Variants in LARP4B observed in about 807,000 individuals in gnomAD.
The protein encoded by LARP4B is la-related protein 4B.
Under a neutral mutation model 89.8 loss-of-function variants are expected in LARP4B, and 12 were observed. The observed-to-expected ratio is 0.13, with a 90% confidence interval of 0.09 to 0.22. The LOEUF (loss-of-function observed/expected upper bound fraction) is 0.22, where lower values mean the gene tolerates loss of function less well. Ranked by LOEUF, LARP4B falls within the 10% of genes least tolerant of loss-of-function variation. The pLI is 1.00. For synonymous variants in LARP4B, 367 were observed against 363.3 expected (o/e 1.01, Z -0.12); for missense variants, 757 against 947.7 (o/e 0.80, Z 2.64).
chr10:848,834 C>G (rs924737515), intron 5 of LARP4B, among the ~76,000 whole-genome samples: 1 of 152,138 alleles, frequency 6.6e-6, no homozygotes, highest in South Asian at 2.1e-4. Flanking sequence ...AATCTACACA[C>G]AGGAGTAGAG....
At chr10:889,890 C>A (rs1429627188) in intron 1 of LARP4B, among the ~76,000 whole-genome samples, 1 of 152,110 alleles carries the variant, frequency 6.6e-6, no homozygotes, top group African/African-American at 2.4e-5. Context: ...TGCAGTGAGC[C>A]GAGATCGCCC....
Position 892,176 on chromosome 10 carries a change from T to C in LARP4B, c.-39-6416A>G, listed in dbSNP as rs529676788. On this transcript the variant is annotated intron_variant, in intron 1 of 17. Transcript: ENST00000316157. ...CAGTGCCTTACACCACTCGCAGGCC[T>C]TACTGAATTGGACAGGAGGATTTTA... Among the ~76,000 whole-genome samples the C allele has an allele frequency of 5.3e-5, 8 of 152,368 alleles. No individual in the cohort carries two copies. The East Asian group carries it at 1.2e-3, about 22-fold the overall frequency.
intron 3 of LARP4B, among the ~76,000 whole-genome samples, chr10:868,918 T>C (rs2131865366): frequency 6.6e-6 from 1 of 152,382 alleles, no homozygotes; most frequent in East Asian, 1.9e-4. Flanking sequence ...AATAATGAGA[T>C]CTTGCTACTC....
intron 15 of LARP4B, 74 bp from the exon 16 acceptor site, chr10:815,144 C>T: frequency 1.3e-6 from 2 of 1,487,554 alleles, no homozygotes; most frequent in Non-Finnish European, 1.8e-6. Flanking sequence ...CCCGTTCACC[C>T]CACCCGTGAA....
At chr10:852,981 A>G (rs958556175) in intron 5 of LARP4B, among the ~76,000 whole-genome samples, 2 of 152,226 alleles carry the variant, frequency 1.3e-5, no homozygotes, top group East Asian at 3.8e-4. Context: ...CAAGTAAGAG[A>G]TACATCTTGT....
intron 5 of LARP4B, among the ~76,000 whole-genome samples, chr10:846,970 G>GCCA (rs561643279): frequency 1.1e-4 from 17 of 152,174 alleles, no homozygotes; most frequent in South Asian, 4.1e-4. Flanking sequence ...ACACAGTAGA[G>GCCA]CCAGGTAAGT....
the LARP4B span, among the ~76,000 whole-genome samples, chr10:958,948 C>T: frequency 6.6e-6 from 1 of 152,208 alleles, no homozygotes; most frequent in African/African-American, 2.4e-5. Flanking sequence ...GGACAAAGAG[C>T]CCAGGAGGAG....
intron 1 of LARP4B, among the ~76,000 whole-genome samples, chr10:930,233 G>T (rs1208922773): frequency 6.6e-6 from 1 of 152,006 alleles, no homozygotes; most frequent in Non-Finnish European, 1.5e-5. Flanking sequence ...AAAAACTTTC[G>T]AAAGGGAAAA....
the LARP4B span, chr10:971,281 G>A: frequency 3.3e-5 from 5 of 152,220 alleles, no homozygotes; most frequent in South Asian, 1.0e-3. Context: ...TGAATTATTA[G>A]CAAGTATGAC....
chr10:891,465 A>G (rs1350825593), intron 1 of LARP4B, among the ~76,000 whole-genome samples: 2 of 152,248 alleles, frequency 1.3e-5, no homozygotes, highest in African/African-American at 4.8e-5. Flanking sequence ...TGTTTAATAA[A>G]AAGGAAACCC....
chr10:845,277 T>C (rs1833718350), intron 5 of LARP4B, among the ~76,000 whole-genome samples: 1 of 152,190 alleles, frequency 6.6e-6, no homozygotes, highest in Admixed American at 6.5e-5. Flanking sequence ...AGAAAAATAA[T>C]CTAAGTCTCA....
In LARP4B at chr10:814,584, A is replaced by G; in HGVS notation, c.1929+158T>C. 6.7e-7 allele frequency: 1 copy of G among 1,482,602 alleles called. No homozygotes were observed. The highest frequency in any genetic ancestry group is 1.4e-5 in the African/African-American group (1 of 71,658). The allele number at this position is 1,482,602 out of a possible 1,614,324, so 91.8% of individuals were successfully genotyped here. A position where few individuals can be genotyped will look rare whatever the true frequency, so the allele number is the denominator to read the frequency against. On this transcript the variant is annotated intron_variant, in intron 17 of 17. Transcript: ENST00000316157. This position sits in a 1 kb window ranked among gnomAD's most constrained non-coding sequence, Gnocchi z 4.4. ...TAGTGGAAAATTATTAGCAAATATTAAAGGTATTTTGTACAGAAAACACAA... is the reference window on the plus strand; with the variant it reads ...TAGTGGAAAATTATTAGCAAATATTGAAGGTATTTTGTACAGAAAACACAA...
At chr10:957,156 T>C in the LARP4B span, among the ~76,000 whole-genome samples, 1 of 152,044 alleles carries the variant, frequency 6.6e-6, no homozygotes, top group Non-Finnish European at 1.5e-5. Context: ...ACCCTCTTAT[T>C]TTTTTACTTT....
chr10:839,148 T>C (rs1419672229), intron 7 of LARP4B, among the ~76,000 whole-genome samples: 1 of 152,156 alleles, frequency 6.6e-6, no homozygotes, highest in Non-Finnish European at 1.5e-5. Context: ...GACGTTTAGG[T>C]CAGTAAAATT....
chr10:934,845 C>G (rs35028518), upstream of LARP4B, among the ~76,000 whole-genome samples: 1 of 152,234 alleles, frequency 6.6e-6, no homozygotes, highest in East Asian at 1.9e-4. Context: ...GTGGTTTTGC[C>G]GTTGTTACTG....
chr10:823,965 C>A (rs568240191), intron 13 of LARP4B, among the ~76,000 whole-genome samples: 35 of 152,302 alleles, frequency 2.3e-4, no homozygotes, highest in African/African-American at 7.9e-4. Flanking sequence ...CTCATTGAAT[C>A]ATTATGGGCA....
intron 5 of LARP4B, among the ~76,000 whole-genome samples, chr10:846,640 G>C (rs113192360): frequency 2.0e-5 from 3 of 152,182 alleles, no homozygotes; most frequent in Non-Finnish European, 4.4e-5. Flanking sequence ...TAACCTAAAC[G>C]TAATAGAAAA....
At chr10:928,223 A>G (rs1837205702) in intron 1 of LARP4B, among the ~76,000 whole-genome samples, 1 of 151,096 alleles carries the variant, frequency 6.6e-6, no homozygotes, top group African/African-American at 2.5e-5. Flanking sequence ...AGTCCGCCTC[A>G]GGAAAGAAAA....
intron 8 of LARP4B, among the ~76,000 whole-genome samples, chr10:833,421 A>C (rs1313324213): frequency 2.6e-5 from 4 of 152,206 alleles, no homozygotes; most frequent in Admixed American, 6.5e-5. Flanking sequence ...GTTATACCTA[A>C]TATGCCAAAA....
Sources: allele counts gnomAD v4.1 joint callset (sites outside exome capture counted in the v4.1 genomes callset), GRCh38; gene constraint gnomAD v4.1.1; non-coding constraint Gnocchi (gnomAD v3.1); transcripts MANE v1.5; gene names NCBI Gene and HGNC (gene_info 2026-07-23, HGNC 2026-07-21).